Variants in GPC5 observed in about 807,000 individuals in gnomAD.
GPC5 encodes the protein glypican-5.
Under a neutral mutation model 53.9 loss-of-function variants are expected in GPC5, and 47 were observed. The ratio of observed to expected loss-of-function variants is 0.87; its 90% CI spans 0.69 to 1.11. The LOEUF (loss-of-function observed/expected upper bound fraction) is 1.11, where lower values mean the gene tolerates loss of function less well. Among genes scored for constraint, GPC5 ranks in the 50% most tolerant of loss-of-function variants. The pLI, the probability that GPC5 is intolerant of heterozygous loss-of-function variation, is 0.00. For synonymous variants in GPC5, 286 were observed against 263.3 expected (o/e 1.09, Z -0.84); for missense variants, 748 against 713.1 (o/e 1.05, Z -0.56).
In GPC5 at chr13:92,480,261, G is replaced by C. The variant is rs1164297726; in HGVS notation, c.1561+335272G>C. On this transcript the variant is annotated intron_variant, in intron 7 of 7. Transcript: ENST00000377067. ...ATTTGTATGGAGTTCAGTGCAGAGA[G>C]GTCTTTTTAACAAGCAATTTAAATG... Among the ~76,000 whole-genome samples, 3 of 152,132 alleles carry C rather than the reference G, an allele frequency of 2.0e-5. No individual in the cohort carries two copies. The East Asian group carries it at 5.8e-4, about 29-fold the overall frequency.
intron 4 of GPC5, among the ~76,000 whole-genome samples, chr13:91,748,424 T>G (rs1387957398): frequency 6.6e-6 from 1 of 152,224 alleles, no homozygotes; most frequent in Admixed American, 6.5e-5. Flanking sequence ...CCAAGCCACC[T>G]GTGCACTTAA....
chr13:92,685,297 G>A (rs9516122), intron 7 of GPC5, among the ~76,000 whole-genome samples: 23,481 of 151,770 alleles, frequency 0.15, 2,179 homozygotes, highest in Non-Finnish European at 0.22. Context: ...GTTTTGCCAC[G>A]CTGGCCAGGC....
intron 6 of GPC5, among the ~76,000 whole-genome samples, chr13:91,957,516 C>T (rs2040084774): frequency 6.6e-6 from 1 of 152,042 alleles, no homozygotes; most frequent in Non-Finnish European, 1.5e-5. Flanking sequence ...TTCTCTATGG[C>T]AAATTTCAAA....
chr13:92,594,663 G>A (rs974324833), intron 7 of GPC5, among the ~76,000 whole-genome samples: 2 of 152,138 alleles, frequency 1.3e-5, no homozygotes, highest in African/African-American at 4.8e-5. Context: ...ACATGTCTCA[G>A]GCTGCTTCCT....
chr13:91,949,040 G>A (rs149844257), intron 6 of GPC5, among the ~76,000 whole-genome samples: 44 of 152,226 alleles, frequency 2.9e-4, no homozygotes, highest in South Asian at 2.1e-4. Context: ...CCAGGTAGTC[G>A]TTACTATCTT....
chr13:92,383,409 A>G (rs951656195), intron 7 of GPC5, among the ~76,000 whole-genome samples: 1 of 152,212 alleles, frequency 6.6e-6, no homozygotes, highest in African/African-American at 2.4e-5. Flanking sequence ...TCTTGTCTTT[A>G]GTGCTGTTGT....
intron 4 of GPC5, among the ~76,000 whole-genome samples, chr13:91,752,283 C>T (rs1187148038): frequency 6.6e-6 from 1 of 152,156 alleles, no homozygotes; most frequent in Non-Finnish European, 1.5e-5. Flanking sequence ...CAGGGTCTCA[C>T]TATGTTGTCC....
intron 7 of GPC5, among the ~76,000 whole-genome samples, chr13:92,485,807 A>G (rs1249173845): frequency 2.6e-5 from 4 of 152,038 alleles, no homozygotes; most frequent in East Asian, 1.9e-4. Flanking sequence ...GAAACCCTGT[A>G]TATACTAAAT....
At chr13:92,680,910 C>T (rs1350493900) in intron 7 of GPC5, among the ~76,000 whole-genome samples, 1 of 152,114 alleles carries the variant, frequency 6.6e-6, no homozygotes, top group African/African-American at 2.4e-5. Flanking sequence ...ACCCGTGCAT[C>T]CAACTGCTTA....
intron 2 of GPC5, among the ~76,000 whole-genome samples, chr13:91,495,211 C>G (rs1231375462): frequency 6.6e-6 from 1 of 152,082 alleles, no homozygotes; most frequent in East Asian, 1.9e-4. Context: ...TATCCACAAT[C>G]TGAATACATC....
intron 7 of GPC5, among the ~76,000 whole-genome samples, chr13:92,184,223 A>G (rs1715950455): frequency 6.6e-6 from 1 of 152,304 alleles, no homozygotes; most frequent in South Asian, 2.1e-4. Context: ...CTAAAACTCC[A>G]TAAGAAATCT....
At chr13:91,504,585 G>A (rs1334718980) in intron 2 of GPC5, among the ~76,000 whole-genome samples, 3 of 152,138 alleles carry the variant, frequency 2.0e-5, no homozygotes, top group African/African-American at 7.2e-5. Context: ...GTTATGCAGA[G>A]TGGTGGAAAA....
At chr13:91,582,985 A>AG (rs1211292229) in intron 2 of GPC5, among the ~76,000 whole-genome samples, 1 of 152,160 alleles carries the variant, frequency 6.6e-6, no homozygotes, top group African/African-American at 2.4e-5. Flanking sequence ...TGTTTAACAG[A>AG]GTGCAACTCC....
intron 2 of GPC5, among the ~76,000 whole-genome samples, chr13:91,566,362 G>A (rs553080597): frequency 7.9e-5 from 12 of 152,136 alleles, no homozygotes; most frequent in Admixed American, 7.2e-4. Context: ...TCAAGAGATC[G>A]AGACCATTCT....
At chr13:91,616,106 G>A (rs2033688933) in intron 2 of GPC5, among the ~76,000 whole-genome samples, 1 of 152,086 alleles carries the variant, frequency 6.6e-6, no homozygotes. Flanking sequence ...GTAAGTGAAA[G>A]AAACTCGTAG....
At chr13:91,786,238 G>A (rs993296576) in intron 5 of GPC5, among the ~76,000 whole-genome samples, 44 of 152,150 alleles carry the variant, frequency 2.9e-4, no homozygotes, top group South Asian at 8.3e-4. Context: ...CTCGCGATCC[G>A]CCTGCGTCAG....
intron 5 of GPC5, among the ~76,000 whole-genome samples, chr13:91,853,699 A>G (rs559492176): frequency 7.9e-5 from 12 of 152,134 alleles, no homozygotes; most frequent in African/African-American, 2.6e-4. Flanking sequence ...ACTTAAAAGG[A>G]TCTTACAGTT....
At chr13:92,357,265 G>C (rs1187821586) in intron 7 of GPC5, among the ~76,000 whole-genome samples, 2 of 151,680 alleles carry the variant, frequency 1.3e-5, no homozygotes, top group African/African-American at 4.9e-5. Flanking sequence ...TGGTAGTTCT[G>C]TTTTTAACTC....
chr13:92,770,186 G>T (rs927645481), intron 7 of GPC5, among the ~76,000 whole-genome samples: 1 of 152,126 alleles, frequency 6.6e-6, no homozygotes, highest in Admixed American at 6.5e-5. Context: ...GGCTGAGGCA[G>T]GAGAATTACT....
Sources: gnomAD v4.1 joint callset for allele counts (sites outside exome capture counted in the v4.1 genomes callset) on GRCh38, gnomAD v4.1.1 for gene constraint, MANE v1.5 for transcripts, NCBI Gene and HGNC (gene_info 2026-07-23, HGNC 2026-07-21) for gene names.